LEPR: variants seen among roughly 807,000 people sequenced by gnomAD.
The protein encoded by LEPR is leptin receptor.
LEPR carries 56 observed loss-of-function variants against 114.7 expected under a neutral mutation model. The observed-to-expected ratio is 0.49, with a 90% confidence interval of 0.39 to 0.61. LEPR has a LOEUF of 0.61. LEPR is among the 20% of genes least tolerant of loss of function. The probability of loss-of-function intolerance (pLI) is 0.00; values close to 1 mark genes in which losing one functional copy is unlikely to be tolerated. For synonymous variants in LEPR, 443 were observed against 461.4 expected (o/e 0.96, Z 0.51); for missense variants, 1,202 against 1,352.9 (o/e 0.89, Z 1.75).
chr1:65,539,356 A>C (rs1328568617), intron 2 of LEPR, among the ~76,000 whole-genome samples: 1 of 151,630 alleles, frequency 6.6e-6, no homozygotes, highest in East Asian at 1.9e-4. Flanking sequence ...GACTTTCTTC[A>C]TGTCTTTGTG....
chr1:65,634,218 G>C (rs576922981), intron 19 of LEPR: 1 of 923,086 alleles, frequency 1.1e-6, no homozygotes, highest in Non-Finnish European at 1.3e-6. Flanking sequence ...TTATATATGC[G>C]TATATATGTA....
At chr1:65,431,936 C>T in intron 2 of LEPR, 1 of 1,608,764 alleles carries the variant, frequency 6.2e-7, no homozygotes, top group Non-Finnish European at 8.5e-7. Context: ...ATTCTGATTA[C>T]AGTGCATTGA....
intron 2 of LEPR, among the ~76,000 whole-genome samples, chr1:65,429,010 T>G (rs1273151472): frequency 6.6e-6 from 1 of 152,188 alleles, no homozygotes. Context: ...ATTATTTTAT[T>G]CATTTAACAA....
In LEPR at chr1:65,638,837, A is replaced by G. The variant is rs1658793869; in HGVS notation, c.*1822A>G. 6.6e-6 allele frequency: 1 copy of G among 152,204 alleles called. No individual in the cohort carries two copies. Among genetic ancestry groups the G allele is most frequent in the Non-Finnish European group, 1.5e-5 (1 of 68,016 alleles). The allele number at this position is 152,204 out of a possible 1,614,324, so 9.4% of individuals were successfully genotyped here. A position where few individuals can be genotyped will look rare whatever the true frequency, so the allele number is the denominator to read the frequency against. ...GATGTGGTACGAGAGCCTTAGTTCT[A>G]TGCAAAGATAAATGGAGAAGCGTTT... On this transcript the variant is annotated 3_prime_UTR_variant, in exon 20 of 20. Transcript: ENST00000349533.
intron 2 of LEPR, chr1:65,432,544 G>A (rs1360303893): frequency 2.4e-6 from 2 of 851,048 alleles, no homozygotes; most frequent in Non-Finnish European, 2.8e-6. Context: ...TAACCTCTCT[G>A]GGTGTTACCT....
At chr1:65,522,104 A>G (rs1649665080) in intron 2 of LEPR, among the ~76,000 whole-genome samples, 1 of 152,214 alleles carries the variant, frequency 6.6e-6, no homozygotes, top group Admixed American at 6.5e-5. Flanking sequence ...TCCAAAAGAC[A>G]TTTAGGGTAT....
At chr1:65,535,532 G>T (rs1650707909) in intron 2 of LEPR, among the ~76,000 whole-genome samples, 1 of 151,746 alleles carries the variant, frequency 6.6e-6, no homozygotes, top group South Asian at 2.1e-4. Flanking sequence ...CAAATTTTTA[G>T]TAGGGACGAA....
chr1:65,619,082 A>G (rs182292828), intron 16 of LEPR, among the ~76,000 whole-genome samples: 88 of 152,310 alleles, frequency 5.8e-4, no homozygotes, highest in Admixed American at 1.4e-3. Context: ...GAGGAAAGTT[A>G]ACTAGGGAAG....
chr1:65,623,832 A>G (rs78373129), intron 19 of LEPR, among the ~76,000 whole-genome samples: 1 of 152,176 alleles, frequency 6.6e-6, no homozygotes, highest in Admixed American at 6.5e-5. Context: ...TCTGTTATCA[A>G]CCTACCTATA....
chr1:65,597,049 T>A (rs1244308004), intron 7 of LEPR, among the ~76,000 whole-genome samples: 1 of 152,094 alleles, frequency 6.6e-6, no homozygotes, highest in Non-Finnish European at 1.5e-5. Flanking sequence ...CTGATGAATA[T>A]TTGATCAGAT....
chr1:65,489,152 G>T (rs1395319096), intron 2 of LEPR, among the ~76,000 whole-genome samples: 1 of 152,144 alleles, frequency 6.6e-6, no homozygotes, highest in Non-Finnish European at 1.5e-5. Flanking sequence ...AGGATTGCTA[G>T]ATCATGTAGT....
At chr1:65,532,152 G>T (rs1650446816) in intron 2 of LEPR, among the ~76,000 whole-genome samples, 2 of 152,178 alleles carry the variant, frequency 1.3e-5, no homozygotes, top group Non-Finnish European at 2.9e-5. Flanking sequence ...TTATGCTGCA[G>T]TAACAGATAA....
At chr1:65,625,050 T>C (rs1320818494) in intron 19 of LEPR, among the ~76,000 whole-genome samples, 2 of 152,214 alleles carry the variant, frequency 1.3e-5, no homozygotes, top group East Asian at 3.8e-4. Flanking sequence ...AGTAAATATT[T>C]TTTCTCTCAT....
chr1:65,592,779 A>G lies in LEPR; in HGVS notation c.617A>G (p.Asn206Ser), dbSNP rs375719610. 8 of 1,613,400 alleles carry G rather than the reference A, an allele frequency of 5.0e-6. No homozygotes were observed. The highest frequency in any genetic ancestry group is 1.3e-5 in the African/African-American group (1 of 75,000). Reference sequence around the variant, plus strand: ...GTGCCTGTGCCAACAGCCAAACTCAACGACACTCTCCTTATGTGTTTGAAA... The same window carrying G: ...GTGCCTGTGCCAACAGCCAAACTCAGCGACACTCTCCTTATGTGTTTGAAA... ...CLVPVPTAKLNDTLLMCLKIT... is the reference protein window; with the variant it reads ...CLVPVPTAKLSDTLLMCLKIT... The change falls in exon 6 of 20, where the codon AAC becomes AGC. Residue 206 changes from asparagine (N) to serine (S), a missense_variant. By Grantham distance (46) the Asn-to-Ser change is conservative. Coordinates refer to ENST00000349533, the MANE Select transcript of LEPR (RefSeq NM_002303.6).
chr1:65,619,865 G>GT, intron 16 of LEPR, 63 bp from the exon 17 acceptor site: 1 of 1,224,108 alleles, frequency 8.2e-7, no homozygotes, highest in Non-Finnish European at 1.2e-6. Flanking sequence ...TTTTTAAAAT[G>GT]TATGTTCCAC....
chr1:65,449,865 T>A (rs1252781342), intron 2 of LEPR, among the ~76,000 whole-genome samples: 1 of 152,180 alleles, frequency 6.6e-6, no homozygotes. Context: ...TTTATATCTT[T>A]CTTCCTTTCT....
chr1:65,426,351 G>A (rs1198980206), intron 2 of LEPR, among the ~76,000 whole-genome samples: 3 of 152,144 alleles, frequency 2.0e-5, no homozygotes, highest in Non-Finnish European at 4.4e-5. Context: ...TCAGCACTTA[G>A]GGCTCTATAT....
intron 2 of LEPR, among the ~76,000 whole-genome samples, chr1:65,476,689 C>T (rs1490602043): frequency 6.6e-6 from 1 of 152,130 alleles, no homozygotes; most frequent in Non-Finnish European, 1.5e-5. Flanking sequence ...TGATGCTAAC[C>T]TCTTTACATG....
At chr1:65,498,691 G>GT (rs1648291490) in intron 2 of LEPR, among the ~76,000 whole-genome samples, 1 of 151,984 alleles carries the variant, frequency 6.6e-6, no homozygotes, top group Non-Finnish European at 1.5e-5. Context: ...AGTTTCTCCT[G>GT]TTTTTTGTTT....
Sources: gnomAD v4.1 joint callset for allele counts (sites outside exome capture counted in the v4.1 genomes callset) on GRCh38, gnomAD v4.1.1 for gene constraint, MANE v1.5 for transcripts, NCBI Gene and HGNC (gene_info 2026-07-23, HGNC 2026-07-21) for gene names.